Variants in CHD9 observed in about 807,000 individuals in gnomAD.
The protein encoded by CHD9 is ATP-dependent chromatin remodeler CHD9.
A neutral mutation model predicts 316.1 loss-of-function variants in CHD9; 77 were observed. That is an observed-to-expected ratio of 0.24 (90% CI 0.20 to 0.29). CHD9 has a LOEUF of 0.29. Among genes scored for constraint, CHD9 ranks in the 10% least tolerant of loss-of-function variants. The pLI is 1.00. For synonymous variants in CHD9, 1,129 were observed against 1,158.3 expected (o/e 0.97, Z 0.51); for missense variants, 2,763 against 3,438.1 (o/e 0.80, Z 4.91).
chr16:53,211,649 TAGA>T (rs1198187836), intron 3 of CHD9, among the ~76,000 whole-genome samples: 3 of 152,154 alleles, frequency 2.0e-5, no homozygotes, highest in African/African-American at 4.8e-5. Flanking sequence ...AGTGAATTGA[TAGA>T]AGAATTTATA....
intron 2 of CHD9, among the ~76,000 whole-genome samples, chr16:53,161,497 C>G (rs901642380): frequency 6.6e-6 from 1 of 152,122 alleles, no homozygotes; most frequent in Non-Finnish European, 1.5e-5. Context: ...TTCTTTAACT[C>G]TCTTAATTGT....
At chr16:53,213,966 A>C (rs1242897421) in intron 3 of CHD9, among the ~76,000 whole-genome samples, 1 of 152,174 alleles carries the variant, frequency 6.6e-6, no homozygotes, top group Non-Finnish European at 1.5e-5. Flanking sequence ...TACTACAAAT[A>C]ACTTCTAGTT....
chr16:53,240,231 A>G (rs1225336647), intron 12 of CHD9, among the ~76,000 whole-genome samples: 1 of 152,136 alleles, frequency 6.6e-6, no homozygotes, highest in East Asian at 1.9e-4. Context: ...TCTTACTCGT[A>G]CATTTGTAGA....
intron 2 of CHD9, among the ~76,000 whole-genome samples, chr16:53,162,796 T>C (rs2042005039): frequency 6.6e-6 from 1 of 151,862 alleles, no homozygotes; most frequent in Non-Finnish European, 1.5e-5. Context: ...TTTTTTTTTT[T>C]TTTGGTGGGG....
chr16:53,306,098 T>C, intron 31 of CHD9, 139 bp from the exon 32 acceptor site: 1 of 488,554 alleles, frequency 2.0e-6, no homozygotes, highest in Non-Finnish European at 3.4e-6. Flanking sequence ...TTCTAGGTGA[T>C]TTTTTCTCTT....
At chr16:53,298,705 T>G (rs2055054304) in intron 30 of CHD9, 1 of 152,782 alleles carries the variant, frequency 6.5e-6, no homozygotes, top group Admixed American at 6.5e-5. Flanking sequence ...CTGTGTTTGG[T>G]GACTACACAT....
At chr16:53,153,246 A>C (rs1009118922) in intron 1 of CHD9, among the ~76,000 whole-genome samples, 3 of 152,190 alleles carry the variant, frequency 2.0e-5, no homozygotes, top group African/African-American at 7.2e-5. Flanking sequence ...GGAAGAAAGA[A>C]GGGGGAGGAA....
intron 24 of CHD9, among the ~76,000 whole-genome samples, chr16:53,278,477 A>G (rs1241332468): frequency 6.6e-6 from 1 of 152,238 alleles, no homozygotes; most frequent in African/African-American, 2.4e-5. Context: ...CTGATCTTCA[A>G]CAAAGCAAAC....
chr16:53,300,709 A>G (rs1167622891), intron 30 of CHD9, among the ~76,000 whole-genome samples: 2 of 152,252 alleles, frequency 1.3e-5, no homozygotes, highest in South Asian at 2.1e-4. Flanking sequence ...GGAAGAGTGC[A>G]GACCCGCAGT....
Position 53,080,193 on chromosome 16 carries a change from G to A in CHD9, c.-165+25116G>A, listed in dbSNP as rs558565518. Among the ~76,000 whole-genome samples, 19 of 152,328 alleles carry A rather than the reference G, an allele frequency of 1.2e-4. No individual in the cohort carries two copies. In the South Asian group the frequency reaches 3.9e-3, roughly 32 times the overall value. On this transcript the variant is annotated intron_variant, in intron 1 of 38. Transcript: ENST00000447540. ...GAAAAGACCCACACATTTGTTAACAGAAGTATTCTGTGGGCAGAAACAGAT... is the reference window on the plus strand; with the variant it reads ...GAAAAGACCCACACATTTGTTAACAAAAGTATTCTGTGGGCAGAAACAGAT...
intron 33 of CHD9, 98 bp downstream of exon 33, chr16:53,308,051 A>G: frequency 9.7e-7 from 1 of 1,034,002 alleles, no homozygotes; most frequent in Non-Finnish European, 1.4e-6. Flanking sequence ...TCCTTCCTTC[A>G]CATACCTGTT....
chr16:53,249,297 A>G (rs1395371605), intron 16 of CHD9, among the ~76,000 whole-genome samples: 2 of 152,086 alleles, frequency 1.3e-5, no homozygotes, highest in Non-Finnish European at 2.9e-5. Flanking sequence ...CTAAATTTTT[A>G]TGTATTTTAT....
chr16:53,111,089 T>C (rs1413994793), intron 1 of CHD9, among the ~76,000 whole-genome samples: 2 of 152,214 alleles, frequency 1.3e-5, no homozygotes. Context: ...AAGAAAATGC[T>C]GAAGTGAGAC....
rs568025624 is a variant in CHD9 at position 53,223,166 on chromosome 16, C to T, written c.1896+411C>T. On this transcript the variant is annotated intron_variant, in intron 4 of 38. Transcript: ENST00000447540. Reference sequence around the variant, plus strand: ...GATTGAATCATTCCTAGAAATAATTCCTTTGGTCTGTTTTTGTGAAGAAAA... The same window carrying T: ...GATTGAATCATTCCTAGAAATAATTTCTTTGGTCTGTTTTTGTGAAGAAAA... Among the ~76,000 whole-genome samples, 8 of 151,768 alleles carry T rather than the reference C, an allele frequency of 5.3e-5. 1 individual carries two copies. The highest frequency in any genetic ancestry group is 1.4e-4 in the African/African-American group (6 of 41,388).
In CHD9 at chr16:53,303,793, A is replaced by C; in HGVS notation, c.5787A>C (p.Glu1929Asp). 2 of 1,614,032 alleles carry C rather than the reference A, an allele frequency of 1.2e-6. No individual in the cohort carries two copies. Among genetic ancestry groups the C allele is most frequent in the Non-Finnish European group, 1.7e-6 (2 of 1,179,890 alleles). Residue 1929 changes from glutamate (E) to aspartate (D), a missense_variant, in exon 31 of 39, where the codon GAA becomes GAC. By Grantham distance (45) the Glu-to-Asp change is conservative. This residue lies in a region of CHD9 where 663 missense variants were observed against 751.2 expected (regional missense o/e 0.88). Transcript: ENST00000447540. ...CTTCTAGGACTTTGTATCGCATTGA[A>C]CTTCTAAGGAAAGTACGGGAACAGG... Reference protein sequence around the residue: ...ERASRTLYRIELLRKVREQAL... With the variant: ...ERASRTLYRIDLLRKVREQAL...
At chr16:53,148,220 A>G (rs2040799553) in intron 1 of CHD9, among the ~76,000 whole-genome samples, 1 of 152,046 alleles carries the variant, frequency 6.6e-6, no homozygotes, top group Non-Finnish European at 1.5e-5. Context: ...AAAAATATAT[A>G]AAATTTTGCT....
At chr16:53,090,338 C>T (rs560791393) in intron 1 of CHD9, among the ~76,000 whole-genome samples, 25 of 152,158 alleles carry the variant, frequency 1.6e-4, no homozygotes, top group Non-Finnish European at 3.4e-4. Context: ...AGAGAGTCTT[C>T]CCAAGTCACC....
intron 3 of CHD9, among the ~76,000 whole-genome samples, chr16:53,215,285 A>G (rs1230212827): frequency 6.6e-6 from 1 of 152,220 alleles, no homozygotes; most frequent in East Asian, 1.9e-4. Flanking sequence ...GTAGCTAACA[A>G]CTTGGATCCT....
At chr16:53,070,481 T>TTCCTTCCTTCCTTCC in intron 1 of CHD9, among the ~76,000 whole-genome samples, 1 of 148,494 alleles carries the variant, frequency 6.7e-6, no homozygotes, top group African/African-American at 2.6e-5. Flanking sequence ...TCTTTCTTTC[T>TTCCTTCCTTCCTTCC]TTCTTTCTTT....
Sources: gnomAD v4.1 joint callset for allele counts (sites outside exome capture counted in the v4.1 genomes callset) on GRCh38, gnomAD v4.1.1 for gene constraint, gnomAD v4.1.1 regional missense constraint, MANE v1.5 for transcripts, NCBI Gene and HGNC (gene_info 2026-07-23, HGNC 2026-07-21) for gene names.